The following GKAP1 variants were observed in gnomAD, a reference collection of about 807,000 sequenced individuals.
The protein encoded by GKAP1 is G kinase-anchoring protein 1.
GKAP1 carries 31 observed loss-of-function variants against 56.7 expected under a neutral mutation model. The ratio of observed to expected loss-of-function variants is 0.55; its 90% confidence interval spans 0.41 to 0.74. GKAP1 has a LOEUF of 0.74. Among genes scored for constraint, GKAP1 ranks in the 30% least tolerant of loss-of-function variants. The pLI, the probability that GKAP1 is intolerant of heterozygous loss-of-function variation, is 0.00. For synonymous variants in GKAP1, 151 were observed against 138.6 expected, an observed-to-expected ratio of 1.09 and a Z score of -0.63; for missense variants, 364 against 402.3, an observed-to-expected ratio of 0.90 and a Z score of 0.82.
intron 4 of GKAP1, among the ~76,000 whole-genome samples, chr9:83,794,878 G>A (rs1003424304): frequency 6.6e-6 from 1 of 152,142 alleles, no homozygotes; most frequent in Admixed American, 6.5e-5. Flanking sequence ...GGCTGGGTGT[G>A]GTGGCTCGCG....
At chr9:83,785,724 G>GC (rs1221933310) in intron 5 of GKAP1, among the ~76,000 whole-genome samples, 2 of 152,222 alleles carry the variant, frequency 1.3e-5, no homozygotes, top group Admixed American at 1.3e-4. Context: ...CTTGGATACT[G>GC]CAACAGTCTC....
At chr9:83,753,851 C>T (rs1943433606) in intron 8 of GKAP1, among the ~76,000 whole-genome samples, 1 of 152,064 alleles carries the variant, frequency 6.6e-6, no homozygotes, top group South Asian at 2.1e-4. Flanking sequence ...AGGACCAACA[C>T]TAAGAAATTT....
chr9:83,804,751 CCG>C (rs1944407793), intron 3 of GKAP1, among the ~76,000 whole-genome samples: 2 of 149,124 alleles, frequency 1.3e-5, no homozygotes, highest in African/African-American at 4.9e-5. Context: ...GCCAGCCACC[CCG>C]TCCGGGAGGT....
intron 4 of GKAP1, among the ~76,000 whole-genome samples, chr9:83,789,841 C>T (rs1944125719): frequency 1.3e-5 from 2 of 152,168 alleles, no homozygotes; most frequent in African/African-American, 4.8e-5. Flanking sequence ...TGAGCACTCC[C>T]AAATTCCTTG....
intron 10 of GKAP1, 52 bp from the exon 11 acceptor site, chr9:83,742,652 TCAA>T: frequency 9.0e-7 from 1 of 1,114,380 alleles, no homozygotes; most frequent in Middle Eastern, 2.0e-4. Flanking sequence ...CCCAAATACT[TCAA>T]CAATACTTCA....
At chr9:83,803,396 G>T (rs961897188) in intron 3 of GKAP1, among the ~76,000 whole-genome samples, 1 of 152,086 alleles carries the variant, frequency 6.6e-6, no homozygotes, top group African/African-American at 2.4e-5. Flanking sequence ...GCGATTGCAG[G>T]CGTGTGCCAC....
Position 83,806,317 on chromosome 9 carries a change from C to G in GKAP1, c.201G>C (p.Gln67His). 1 of 1,549,164 alleles carries G rather than the reference C, an allele frequency of 6.5e-7. No individual in the cohort carries two copies. The highest frequency in any genetic ancestry group is 8.7e-7 in the Non-Finnish European group (1 of 1,145,488). Residue 67 changes from glutamine to histidine, a missense_variant, in exon 3 of 13, where the codon CAG becomes CAC. By Grantham distance (24) the Gln-to-His change is conservative. Coordinates refer to ENST00000376371, the MANE Select transcript of GKAP1 (RefSeq NM_025211.4). ...EKRRKKKEQQ[Q>H]SEANELRNLA... ...ATTGTGTTACCTCATTTGCTTCACT[C>G]TGTTGCTGTTCCTTCTTTTTTCTTC...
At chr9:83,768,787 T>C (rs368099804) in intron 8 of GKAP1, 31 bp downstream of exon 8, 3 of 1,579,864 alleles carry the variant, frequency 1.9e-6, no homozygotes, top group African/African-American at 2.7e-5. Context: ...AATTTCACTG[T>C]GATTTTAAGA....
At chr9:83,789,434 G>A (rs1488696517) in intron 4 of GKAP1, among the ~76,000 whole-genome samples, 1 of 152,184 alleles carries the variant, frequency 6.6e-6, no homozygotes, top group African/African-American at 2.4e-5. Flanking sequence ...TGGGTTTGCA[G>A]CTGTATATAA....
intron 6 of GKAP1, among the ~76,000 whole-genome samples, chr9:83,781,844 T>TTC (rs1943977737): frequency 9.4e-6 from 1 of 106,718 alleles, no homozygotes. Flanking sequence ...AATGTATTTC[T>TTC]TCTTTTTTTT....
chr9:83,811,006 AT>A (rs1944498944), intron 2 of GKAP1, among the ~76,000 whole-genome samples: 1 of 152,262 alleles, frequency 6.6e-6, no homozygotes, highest in South Asian at 2.1e-4. Context: ...GTATTTGTAT[AT>A]CTAAAGAAAA....
chr9:83,799,181 G>A lies in GKAP1; in HGVS notation c.360+4C>T. The A allele has an allele frequency of 6.2e-7, 1 of 1,612,390 alleles. No homozygotes were observed. The highest frequency in any genetic ancestry group is 8.5e-7 in the Non-Finnish European group (1 of 1,179,176). The stretch of plus-strand genomic sequence containing the variant: ...ACAAAGCAATTTTATTTACTTAGTT[G>A]TACCTGCTCATCTCTTTGTCTCCAC... On this transcript the variant is annotated splice_donor_region_variant and intron_variant, in intron 4 of 12. Transcript: ENST00000376371.
At position 83,742,573 on chromosome 9, in the gene GKAP1, T is replaced by C. The variant is rs754454868; in HGVS notation, c.932A>G (p.Gln311Arg). The part of the protein sequence containing the change: ...EMKDKAEILL[Q>R]VDESQSIKNE... The stretch of plus-strand genomic sequence containing the variant: ...CTTGATACTTTGTGATTCATCAACT[T>C]GCAGAAGTATTTCTGCCTTATCTTT... Residue 311 changes from glutamine (Q) to arginine (R), a missense_variant, in exon 11 of 13, where the codon CAA becomes CGA. Gln to Arg is a conservative substitution (Grantham distance 43). Coordinates refer to ENST00000376371, the MANE Select transcript of GKAP1 (RefSeq NM_025211.4). 1.7e-5 allele frequency: 28 copies of C among 1,612,394 alleles called. No individual in the cohort carries two copies. The highest frequency in any genetic ancestry group is 2.3e-5 in the Non-Finnish European group (27 of 1,179,404).
At chr9:83,776,856 A>G (rs985036010) in intron 7 of GKAP1, among the ~76,000 whole-genome samples, 3 of 152,186 alleles carry the variant, frequency 2.0e-5, no homozygotes, top group Admixed American at 6.5e-5. Flanking sequence ...TTTTCATAAT[A>G]TAACTAGGGC....
At chr9:83,788,120 A>T (rs1207112079) in intron 5 of GKAP1, among the ~76,000 whole-genome samples, 1 of 152,082 alleles carries the variant, frequency 6.6e-6, no homozygotes. Context: ...TCTACTAAAA[A>T]AACAAAATGT....
intron 3 of GKAP1, among the ~76,000 whole-genome samples, chr9:83,802,299 T>C (rs2131315709): frequency 6.6e-6 from 1 of 151,992 alleles, no homozygotes; most frequent in South Asian, 2.1e-4. Flanking sequence ...GCCAATATTG[T>C]GAAACCCCAT....
chr9:83,774,215 G>A (rs1587711921), intron 7 of GKAP1, among the ~76,000 whole-genome samples: 1 of 151,996 alleles, frequency 6.6e-6, no homozygotes, highest in Non-Finnish European at 1.5e-5. Context: ...AGACTTAAAT[G>A]TAAGACCTAA....
At chr9:83,753,189 T>C in intron 9 of GKAP1, 69 bp downstream of exon 9, 2 of 867,662 alleles carry the variant, frequency 2.3e-6, no homozygotes, top group Non-Finnish European at 3.7e-6. Context: ...CATATTTACA[T>C]ATAAGAAAAA....
At position 83,749,797 on chromosome 9, in the gene GKAP1, G is replaced by A. The variant is rs115858713; in HGVS notation, c.841-1425C>T. ...ATGATAAGTAAATAATGTTTACTGA[G>A]TAATACTGCAGTGAATACAATAAAC... On this transcript the variant is annotated intron_variant, in intron 9 of 12. Coordinates refer to ENST00000376371, the MANE Select transcript of GKAP1 (RefSeq NM_025211.4). Among the ~76,000 whole-genome samples the A allele has an allele frequency of 8.2e-3, 1,253 of 152,160 alleles. 19 individuals carry two copies. The highest frequency in any genetic ancestry group is 0.029 in the African/African-American group (1,189 of 41,492).
Sources: gnomAD v4.1 joint callset for allele counts (sites outside exome capture counted in the v4.1 genomes callset) on GRCh38, gnomAD v4.1.1 for gene constraint, MANE v1.5 for transcripts, NCBI Gene and HGNC (gene_info 2026-07-23, HGNC 2026-07-21) for gene names.